CDH3: variants seen among roughly 807,000 people sequenced by gnomAD.
CDH3 encodes the protein cadherin 3, also known as cadherin-3.
Under a neutral mutation model 82.0 loss-of-function variants are expected in CDH3, and 54 were observed. The observed-to-expected ratio is 0.66, with a 90% confidence interval of 0.53 to 0.83. The LOEUF is 0.83. CDH3 is among the 40% of genes least tolerant of loss of function. The probability of loss-of-function intolerance (pLI) is 0.00; values close to 1 mark genes in which losing one functional copy is unlikely to be tolerated. For missense variants in CDH3, 1,054 were observed against 1,084.6 expected (o/e 0.97, Z 0.40); for synonymous variants, 446 against 437.9 (o/e 1.02, Z -0.23).
At chr16:68,671,912 G>A (rs1960892543) in intron 2 of CDH3, among the ~76,000 whole-genome samples, 1 of 152,144 alleles carries the variant, frequency 6.6e-6, no homozygotes, top group African/African-American at 2.4e-5. Flanking sequence ...TTCAACATAA[G>A]AATTTTGGAG....
At chr16:68,711,897 A>T (rs936855476) in intron 1 of CDH3, among the ~76,000 whole-genome samples, 1 of 152,100 alleles carries the variant, frequency 6.6e-6, no homozygotes, top group Admixed American at 6.6e-5. Context: ...CAGCCCAGGG[A>T]TGGAGGAGCA....
chr16:68,689,545 A>T (rs28592141), intron 12 of CDH3, among the ~76,000 whole-genome samples: 6 of 94,704 alleles, frequency 6.3e-5, no homozygotes, highest in African/African-American at 1.1e-4. Flanking sequence ...CAGAAAAATT[A>T]AAAAAAAAAA....
intron 1 of CDH3, among the ~76,000 whole-genome samples, chr16:68,721,819 G>A (rs1962167626): frequency 2.0e-5 from 3 of 152,160 alleles, no homozygotes; most frequent in African/African-American, 7.2e-5. Context: ...GCCAGGCGTG[G>A]TGGCTCACGC....
intron 1 of CDH3, among the ~76,000 whole-genome samples, chr16:68,715,101 G>A (rs1962077128): frequency 6.6e-6 from 1 of 151,988 alleles, no homozygotes. Context: ...TTCTAAACTT[G>A]CCCAATGCCA....
At chr16:68,650,815 C>G (rs1019097932) in intron 2 of CDH3, among the ~76,000 whole-genome samples, 4 of 152,104 alleles carry the variant, frequency 2.6e-5, no homozygotes, top group Admixed American at 1.3e-4. Context: ...GCCTTAACCC[C>G]TTCCCCCACA....
At chr16:68,730,148 G>A (rs535764922), downstream of CDH3, among the ~76,000 whole-genome samples, 6 of 151,590 alleles carry the variant, frequency 4.0e-5, no homozygotes, top group Non-Finnish European at 4.4e-5. Flanking sequence ...CAGGAGGAAC[G>A]CTTGCACCTG....
At chr16:68,718,954 C>T (rs749490029) in intron 1 of CDH3, among the ~76,000 whole-genome samples, 12 of 151,878 alleles carry the variant, frequency 7.9e-5, no homozygotes, top group Non-Finnish European at 1.3e-4. Context: ...AGAAAAAAAA[C>T]GGGGCCGGGC....
Position 68,687,688 on chromosome 16 carries a change from C to T in CDH3, c.1747C>T (p.Leu583Phe), listed in dbSNP as rs1961454222. Residue 583 changes from leucine (L) to phenylalanine (F), a missense_variant, in exon 12 of 16, where the codon CTC (leucine) becomes TTC (phenylalanine). Coordinates refer to ENST00000264012, the MANE Select transcript of CDH3 (RefSeq NM_001793.6). ...CCACACCTCCCCTTTCCAGGCCCAG[C>T]TCACAGATGACTCAGACATCTACTG... ...SPHTSPFQAQ[L>F]TDDSDIYWTA... The T allele has an allele frequency of 3.1e-6, 5 of 1,614,088 alleles. No individual in the cohort carries two copies. The highest frequency in any genetic ancestry group is 4.2e-6 in the Non-Finnish European group (5 of 1,180,002).
At chr16:68,660,119 T>C (rs553692321) in intron 2 of CDH3, among the ~76,000 whole-genome samples, 1 of 152,324 alleles carries the variant, frequency 6.6e-6, no homozygotes, top group East Asian at 1.9e-4. Flanking sequence ...GTAATTGCCT[T>C]ATTAGGAAAG....
At chr16:68,712,972 G>A (rs1255248645) in intron 1 of CDH3, among the ~76,000 whole-genome samples, 8 of 152,044 alleles carry the variant, frequency 5.3e-5, no homozygotes, top group Admixed American at 1.3e-4. Flanking sequence ...ATGAGCTACC[G>A]TGCCTGGTCA....
chr16:68,676,198 A>G (rs1260807575), intron 2 of CDH3, among the ~76,000 whole-genome samples, 187 bp from the exon 3 acceptor site: 1 of 152,184 alleles, frequency 6.6e-6, no homozygotes, highest in Non-Finnish European at 1.5e-5. Flanking sequence ...TCGAAACCAA[A>G]CTTGGAAGCC....
At chr16:68,667,200 C>G (rs1960756705) in intron 2 of CDH3, among the ~76,000 whole-genome samples, 1 of 152,144 alleles carries the variant, frequency 6.6e-6, no homozygotes, top group Non-Finnish European at 1.5e-5. Context: ...TCACTTCCAC[C>G]TACTTTTCCC....
chr16:68,653,686 T>A (rs1438453247), intron 2 of CDH3, among the ~76,000 whole-genome samples: 1 of 150,950 alleles, frequency 6.6e-6, no homozygotes, highest in Non-Finnish European at 1.5e-5. Context: ...TCTTTTCTTT[T>A]CTTTCTTTTT....
intron 12 of CDH3, among the ~76,000 whole-genome samples, 154 bp from the exon 13 acceptor site, chr16:68,691,566 G>A: frequency 6.6e-6 from 1 of 152,114 alleles, no homozygotes; most frequent in East Asian, 1.9e-4. Flanking sequence ...TTTAGCCAAA[G>A]ATCAGCTTTT....
intron 9 of CDH3, among the ~76,000 whole-genome samples, chr16:68,683,865 C>T (rs146972926): frequency 0.029 from 4,370 of 150,992 alleles, 99 homozygotes; most frequent in Non-Finnish European, 0.04. Flanking sequence ...GTTGGGAGTT[C>T]GAGACCAGCC....
At chr16:68,681,120 C>T (rs1156844100) in intron 8 of CDH3, 24 bp downstream of exon 8, 10 of 1,613,246 alleles carry the variant, frequency 6.2e-6, no homozygotes, top group Non-Finnish European at 8.5e-6. Flanking sequence ...CTCACTCAGT[C>T]CCTCATCAGA....
chr16:68,681,459 G>A (rs1962874796), intron 8 of CDH3, among the ~76,000 whole-genome samples: 1 of 152,180 alleles, frequency 6.6e-6, no homozygotes. Flanking sequence ...CAAGGCAGAG[G>A]ACTCAGTGCC....
intron 1 of CDH3, among the ~76,000 whole-genome samples, chr16:68,719,709 C>T (rs1962140998): frequency 6.6e-6 from 1 of 151,898 alleles, no homozygotes; most frequent in African/African-American, 2.4e-5. Context: ...CCATATTGGC[C>T]AGGCTGATCT....
intron 2 of CDH3, among the ~76,000 whole-genome samples, chr16:68,664,541 A>G (rs1256625685): frequency 6.6e-6 from 1 of 152,218 alleles, no homozygotes; most frequent in Non-Finnish European, 1.5e-5. Flanking sequence ...AGATGATTCT[A>G]TCAGCTATGT....
Sources: allele counts gnomAD v4.1 joint callset (sites outside exome capture counted in the v4.1 genomes callset), GRCh38; gene constraint gnomAD v4.1.1; transcripts MANE v1.5; gene names NCBI Gene and HGNC (gene_info 2026-07-23, HGNC 2026-07-21).